Variants in NAALADL2 observed in about 807,000 individuals in gnomAD.
NAALADL2 encodes the protein N-acetylated alpha-linked acidic dipeptidase like 2.
In NAALADL2, 76 loss-of-function variants were observed where a neutral mutation model predicts 87.2. The ratio of observed to expected loss-of-function variants is 0.87; its 90% CI spans 0.72 to 1.05. NAALADL2 has a LOEUF of 1.05. Ranked by LOEUF, NAALADL2 falls within the 50% of genes least tolerant of loss-of-function variation. The probability of loss-of-function intolerance (pLI) is 0.00; values close to 1 mark genes in which losing one functional copy is unlikely to be tolerated. For missense variants in NAALADL2, 1,089 were observed against 945.8 expected (o/e 1.15, Z -1.99); for synonymous variants, 354 against 331.0 (o/e 1.07, Z -0.75).
intron 1 of NAALADL2, among the ~76,000 whole-genome samples, chr3:174,450,864 T>G: frequency 1.1e-5 from 1 of 95,080 alleles, no homozygotes; most frequent in South Asian, 4.2e-4. Flanking sequence ...AATGAGACTC[T>G]GTCTCAAAAA....
At chr3:175,676,598 C>T (rs775421027) in intron 11 of NAALADL2, 3 of 151,914 alleles carry the variant, frequency 2.0e-5, no homozygotes, top group African/African-American at 4.8e-5. Flanking sequence ...TGTACTTCTA[C>T]CTCTCGTACT....
In NAALADL2 at chr3:175,097,095, A is replaced by G. The variant is rs746178036; in HGVS notation, c.349A>G (p.Ser117Gly). 1 of 1,613,668 alleles carries G rather than the reference A, an allele frequency of 6.2e-7. No homozygotes were observed. Among genetic ancestry groups the G allele is most frequent in the Non-Finnish European group, 8.5e-7 (1 of 1,179,606 alleles). The change falls in exon 2 of 14, where the codon AGC becomes GGC. Residue 117 changes from serine (S) to glycine (G), a missense_variant. Coordinates refer to ENST00000454872, the MANE Select transcript of NAALADL2 (RefSeq NM_207015.3). ...ITHYTRSAPKSNRCNFCHVLK... is the reference protein window; with the variant it reads ...ITHYTRSAPKGNRCNFCHVLK... ...CCATTATACACGATCTGCACCAAAG[A>G]GCAATCGCTGCAACTTTTGCCACGT...
Position 175,471,663 on chromosome 3 carries a change from A to G in NAALADL2, c.1558A>G (p.Asn520Asp). The change falls in exon 9 of 14, where the codon AAT (asparagine) becomes GAT (aspartate). Residue 520 changes from asparagine to aspartate, a missense_variant. Asn to Asp is a conservative substitution (Grantham distance 23). Coordinates refer to ENST00000454872, the MANE Select transcript of NAALADL2 (RefSeq NM_207015.3). ...GGATTTCAAGAAGGTTCTTCAGAAA[A>G]ATGTTGTGGCTTATATTAGCCTCCA... ...GEDFKKVLQK[N>D]VVAYISLHSP... 6.5e-7 allele frequency: 1 copy of G among 1,536,920 alleles called. No individual in the cohort carries two copies. Among genetic ancestry groups the G allele is most frequent in the South Asian group, 1.1e-5 (1 of 87,518 alleles).
intron 3 of NAALADL2, among the ~76,000 whole-genome samples, chr3:174,748,590 A>T (rs907551982): frequency 6.6e-6 from 1 of 152,156 alleles, no homozygotes; most frequent in Non-Finnish European, 1.5e-5. Flanking sequence ...AGACTAATAC[A>T]ATGAGCAAAG....
At chr3:174,622,053 C>G (rs1721062187) in intron 2 of NAALADL2, among the ~76,000 whole-genome samples, 1 of 152,104 alleles carries the variant, frequency 6.6e-6, no homozygotes, top group Non-Finnish European at 1.5e-5. Flanking sequence ...AAAAGGAGAG[C>G]ATGTGACAGC....
intron 2 of NAALADL2, among the ~76,000 whole-genome samples, chr3:174,640,143 C>T (rs902753015): frequency 1.3e-5 from 2 of 152,170 alleles, no homozygotes; most frequent in Admixed American, 6.5e-5. Flanking sequence ...GTGCCTGCAG[C>T]GTTTCTCAAT....
chr3:175,208,576 T>A (rs2086913071), intron 2 of NAALADL2, among the ~76,000 whole-genome samples: 1 of 152,142 alleles, frequency 6.6e-6, no homozygotes, highest in South Asian at 2.1e-4. Context: ...AGTGGATTGC[T>A]GACAGCCAAT....
At chr3:175,273,604 A>G (rs1402733001) in intron 4 of NAALADL2, among the ~76,000 whole-genome samples, 2 of 152,150 alleles carry the variant, frequency 1.3e-5, no homozygotes, top group Admixed American at 1.3e-4. Context: ...TTAAGATAAT[A>G]AAAAGGTAAA....
intron 2 of NAALADL2, among the ~76,000 whole-genome samples, chr3:175,104,884 G>A (rs1207638218): frequency 6.6e-6 from 1 of 152,056 alleles, no homozygotes; most frequent in Non-Finnish European, 1.5e-5. Flanking sequence ...TCATTGCTCT[G>A]AACCTTAAGT....
In NAALADL2 at chr3:175,804,583, G is replaced by A. The variant is rs1754539984; in HGVS notation, c.*1380G>A. ...TCCCCTTAGGAAACATAGCCTCAGA[G>A]TATTTCATATAAATTTTCTCTATCT... is the stretch of plus-strand genomic sequence containing the variant. On this transcript the variant is annotated 3_prime_UTR_variant, in exon 14 of 14. Coordinates refer to ENST00000454872, the MANE Select transcript of NAALADL2 (RefSeq NM_207015.3). 6.6e-6 allele frequency: 1 copy of A among 151,744 alleles called. No individual in the cohort carries two copies. Among genetic ancestry groups the A allele is most frequent in the Admixed American group, 6.6e-5 (1 of 15,170 alleles). 9.4% of individuals were successfully genotyped at this position (151,744 alleles called of 1,614,324 possible). A position where few individuals can be genotyped will look rare whatever the true frequency, so the allele number is the denominator to read the frequency against.
At chr3:175,385,894 C>A (rs974497336) in intron 5 of NAALADL2, among the ~76,000 whole-genome samples, 2 of 151,996 alleles carry the variant, frequency 1.3e-5, no homozygotes, top group African/African-American at 4.8e-5. Context: ...CATCTAGAAG[C>A]TTCTATATGC....
At chr3:175,769,196 G>A (rs948578051) in intron 13 of NAALADL2, among the ~76,000 whole-genome samples, 19 of 152,188 alleles carry the variant, frequency 1.2e-4, no homozygotes, top group African/African-American at 4.1e-4. Flanking sequence ...CAGCAAGTAC[G>A]CAGTGTCTAC....
At chr3:175,506,483 T>C (rs1465156209) in intron 9 of NAALADL2, among the ~76,000 whole-genome samples, 1 of 152,264 alleles carries the variant, frequency 6.6e-6, no homozygotes, top group African/African-American at 2.4e-5. Flanking sequence ...GTTATCTACC[T>C]TTTGGAAGCA....
Position 175,337,772 on chromosome 3 carries a change from A to G in NAALADL2, c.1090+13447A>G, listed in dbSNP as rs150039877. 6.6e-5 allele frequency among the ~76,000 whole-genome samples: 10 copies of G among 152,280 alleles called. No individual in the cohort carries two copies. In the East Asian group the frequency reaches 7.7e-4, roughly 12 times the overall value. On this transcript the variant is annotated intron_variant, in intron 5 of 13. Transcript: ENST00000454872. Reference sequence around the variant, plus strand: ...ATAAAGTACAGAAGAAAGATTTACAATTTTTCAGCATGCTCCTATTTTCAC... The same window carrying G: ...ATAAAGTACAGAAGAAAGATTTACAGTTTTTCAGCATGCTCCTATTTTCAC...
intron 2 of NAALADL2, among the ~76,000 whole-genome samples, chr3:174,585,184 C>T (rs1190760505): frequency 6.6e-6 from 1 of 152,072 alleles, no homozygotes; most frequent in African/African-American, 2.4e-5. Context: ...ACTGCAGAAA[C>T]TCTCAGCGTA....
At chr3:174,861,966 A>G (rs867387194) in intron 1 of NAALADL2, among the ~76,000 whole-genome samples, 4 of 151,902 alleles carry the variant, frequency 2.6e-5, no homozygotes, top group African/African-American at 9.7e-5. Flanking sequence ...AACAGATTTT[A>G]ATTAGCTTTT....
At chr3:175,400,554 G>C (rs1560493201) in intron 5 of NAALADL2, among the ~76,000 whole-genome samples, 1 of 152,132 alleles carries the variant, frequency 6.6e-6, no homozygotes, top group Non-Finnish European at 1.5e-5. Flanking sequence ...TACATTGAAA[G>C]CACTGAGTCA....
chr3:175,592,946 T>C (rs1013114829), intron 10 of NAALADL2, among the ~76,000 whole-genome samples: 1 of 152,134 alleles, frequency 6.6e-6, no homozygotes, highest in Non-Finnish European at 1.5e-5. Context: ...CCTCTCCTCT[T>C]AATTTCCTTC....
intron 12 of NAALADL2, among the ~76,000 whole-genome samples, chr3:175,752,775 C>T (rs190766949): frequency 1.0e-3 from 157 of 152,112 alleles, no homozygotes; most frequent in South Asian, 1.7e-3. Flanking sequence ...TCACTTGATT[C>T]GGTAGTAATG....
Sources: gnomAD v4.1 joint callset for allele counts (sites outside exome capture counted in the v4.1 genomes callset) on GRCh38, gnomAD v4.1.1 for gene constraint, MANE v1.5 for transcripts, NCBI Gene and HGNC (gene_info 2026-07-23, HGNC 2026-07-21) for gene names.